Variants in COL26A1 observed in about 807,000 individuals in gnomAD.
COL26A1 encodes the protein collagen alpha-1(XXVI) chain.
Under a neutral mutation model 59.3 loss-of-function variants are expected in COL26A1, and 41 were observed. The observed-to-expected ratio is 0.69, with a 90% CI of 0.54 to 0.90. COL26A1 has a LOEUF of 0.90. COL26A1 is among the 40% of genes least tolerant of loss of function. The probability of loss-of-function intolerance (pLI) is 0.00; values close to 1 mark genes in which losing one functional copy is unlikely to be tolerated. For missense variants in COL26A1, 612 were observed against 602.3 expected, an observed-to-expected ratio of 1.02 and a Z score of -0.17; for synonymous variants, 266 against 256.0, an observed-to-expected ratio of 1.04 and a Z score of -0.37.
rs547931627 is a variant in COL26A1, at chr7:101,476,769, G to A, written c.385+28982G>A. Among the ~76,000 whole-genome samples, 4 of 150,628 alleles carry A rather than the reference G, an allele frequency of 2.7e-5. No individual in the cohort carries two copies. In the East Asian group the frequency reaches 5.9e-4, roughly 22 times the overall value. On this transcript the variant is annotated intron_variant, in intron 3 of 12. Coordinates refer to ENST00000313669, the MANE Select transcript of COL26A1 (RefSeq NM_001278563.3). ...TTACCGTGTTAGCCAGGATGGTCTC[G>A]ATCTCCTGACCTCGTGATCCACCCA...
At chr7:101,479,912 A>T (rs560796502) in intron 3 of COL26A1, among the ~76,000 whole-genome samples, 2 of 152,186 alleles carry the variant, frequency 1.3e-5, no homozygotes, top group Admixed American at 1.3e-4. Context: ...AAACATTACA[A>T]TTCTTCTCTT....
intron 2 of COL26A1, among the ~76,000 whole-genome samples, chr7:101,439,547 C>T (rs1792998381): frequency 1.1e-4 from 1 of 9,202 alleles, no homozygotes; most frequent in Non-Finnish European, 3.4e-4. Context: ...GGGTGAGACT[C>T]CGTCTGAAAA....
Position 101,516,279 on chromosome 7 carries a change from T to G in COL26A1, c.386-16803T>G, listed in dbSNP as rs111717654. On this transcript the variant is annotated intron_variant, in intron 3 of 12. Coordinates refer to ENST00000313669, the MANE Select transcript of COL26A1 (RefSeq NM_001278563.3). The stretch of plus-strand genomic sequence containing the variant: ...TTTTTGTTTTGTTTTGTTTTGTTTT[T>G]TTAGAGAGAGAAAGAGAGTTTTGCT... Among the ~76,000 whole-genome samples, 705 of 152,224 alleles carry G rather than the reference T, an allele frequency of 4.6e-3. 9 individuals carry two copies. The highest frequency in any genetic ancestry group is 0.015 in the African/African-American group (617 of 41,506).
chr7:101,364,196 A>G (rs1790985505), intron 1 of COL26A1, among the ~76,000 whole-genome samples: 1 of 151,892 alleles, frequency 6.6e-6, no homozygotes, highest in Admixed American at 6.6e-5. Context: ...ATAAGCATGC[A>G]AGTAAAAGTT....
In COL26A1 at chr7:101,539,910, A is replaced by C; in HGVS notation, c.465A>C (p.Ala155=). ...TLEAKVLLLE[A]AERPSSPDND... ...TGGCCCAGGTCCTCCTGCTAGAAGC[A>C]GCAGAACGGCCCTCCAGCCCGGACA... is the stretch of plus-strand genomic sequence containing the variant. The change falls in exon 5 of 13, where the codon GCA becomes GCC. Residue 155 remains alanine, a synonymous_variant. Transcript: ENST00000313669. 6.2e-7 allele frequency: 1 copy of C among 1,612,560 alleles called. No individual in the cohort carries two copies. The highest frequency in any genetic ancestry group is 8.5e-7 in the Non-Finnish European group (1 of 1,179,326).
At chr7:101,381,570 G>A (rs1265631557) in intron 1 of COL26A1, among the ~76,000 whole-genome samples, 1 of 152,190 alleles carries the variant, frequency 6.6e-6, no homozygotes. Context: ...CAAAGGCTGT[G>A]TCATTTTATG....
chr7:101,447,065 G>T (rs1194896748), intron 2 of COL26A1, among the ~76,000 whole-genome samples: 1 of 152,090 alleles, frequency 6.6e-6, no homozygotes, highest in African/African-American at 2.4e-5. Flanking sequence ...TTTTCTTGCT[G>T]TCTTCTGTTT....
chr7:101,552,235 T>A (rs1229557948), intron 10 of COL26A1, among the ~76,000 whole-genome samples: 1 of 152,204 alleles, frequency 6.6e-6, no homozygotes, highest in Non-Finnish European at 1.5e-5. Context: ...ACTGATCCCA[T>A]TTTACAGTTG....
intron 3 of COL26A1, among the ~76,000 whole-genome samples, chr7:101,495,651 C>G (rs1275875847): frequency 1.3e-5 from 2 of 151,250 alleles, no homozygotes; most frequent in Non-Finnish European, 3.0e-5. Context: ...AATCTCCTGA[C>G]CTTGTGATCC....
chr7:101,413,787 G>A (rs1792303837), intron 1 of COL26A1, among the ~76,000 whole-genome samples: 1 of 152,082 alleles, frequency 6.6e-6, no homozygotes, highest in Non-Finnish European at 1.5e-5. Context: ...TTGGCAGTTC[G>A]AGGACCAGGC....
intron 1 of COL26A1, among the ~76,000 whole-genome samples, chr7:101,377,665 G>A (rs139116174): frequency 3.5e-4 from 54 of 152,136 alleles, no homozygotes; most frequent in African/African-American, 9.6e-4. Flanking sequence ...GGGCTCAAGC[G>A]ATTCTCCTCC....
intron 1 of COL26A1, among the ~76,000 whole-genome samples, chr7:101,393,372 G>A (rs1446138617): frequency 2.0e-5 from 3 of 152,144 alleles, no homozygotes; most frequent in Non-Finnish European, 4.4e-5. Context: ...ATTGGAGTTG[G>A]ATGTTTCAGG....
intron 3 of COL26A1, among the ~76,000 whole-genome samples, chr7:101,520,194 G>T (rs906001366): frequency 1.3e-5 from 2 of 152,088 alleles, no homozygotes; most frequent in African/African-American, 2.4e-5. Flanking sequence ...ACATCCAGAA[G>T]TCCCCCCGGA....
At chr7:101,371,300 A>G (rs928717698) in intron 1 of COL26A1, among the ~76,000 whole-genome samples, 8 of 152,150 alleles carry the variant, frequency 5.3e-5, no homozygotes, top group Non-Finnish European at 1.2e-4. Flanking sequence ...ACTGGATTGC[A>G]TGCCTCTGCA....
chr7:101,510,758 G>A (rs1011371323), intron 3 of COL26A1, among the ~76,000 whole-genome samples: 3 of 151,880 alleles, frequency 2.0e-5, no homozygotes, highest in Non-Finnish European at 4.4e-5. Context: ...GGCTTCAAGA[G>A]AGCCTCCTGC....
chr7:101,507,017 C>T (rs564973432), intron 3 of COL26A1, among the ~76,000 whole-genome samples: 4 of 151,982 alleles, frequency 2.6e-5, no homozygotes, highest in South Asian at 2.1e-4. Context: ...CGGGTTCAAG[C>T]GATTCTCTGG....
At chr7:101,528,601 G>A (rs1795298903) in intron 3 of COL26A1, among the ~76,000 whole-genome samples, 1 of 151,232 alleles carries the variant, frequency 6.6e-6, no homozygotes, top group Non-Finnish European at 1.5e-5. Flanking sequence ...AAACTGTAGT[G>A]CAGTGGCGCC....
At chr7:101,434,063 T>G (rs966478910) in intron 2 of COL26A1, among the ~76,000 whole-genome samples, 1 of 45,590 alleles carries the variant, frequency 2.2e-5, no homozygotes, top group African/African-American at 8.6e-5. Context: ...CCTCCCTCCC[T>G]CCCTCCCTCC....
chr7:101,388,804 G>T (rs10250279), intron 1 of COL26A1: 9,399 of 153,092 alleles, frequency 0.061, 665 homozygotes, highest in African/African-American at 0.16. Flanking sequence ...CTGACCTCAA[G>T]TGATCCTCCC....
Sources: allele counts gnomAD v4.1 joint callset (sites outside exome capture counted in the v4.1 genomes callset), GRCh38; gene constraint gnomAD v4.1.1; transcripts MANE v1.5; gene names NCBI Gene and HGNC (gene_info 2026-07-23, HGNC 2026-07-21).